Variants in PABIR3 observed in about 807,000 individuals in gnomAD.
PABIR3 encodes the protein PABIR family member 3.
In PABIR3, 20 loss-of-function variants were observed where a neutral mutation model predicts 23.1. The observed-to-expected ratio is 0.86, with a 90% CI of 0.61 to 1.26. The LOEUF is 1.26. Ranked by LOEUF, PABIR3 falls within the 50% of genes most tolerant of loss-of-function variation. PABIR3 has a pLI of 0.00. For missense variants in PABIR3, 189 were observed against 195.4 expected, an observed-to-expected ratio of 0.97 and a Z score of 0.20; for synonymous variants, 69 against 68.5, an observed-to-expected ratio of 1.01 and a Z score of -0.04.
rs1472957202 is a variant in PABIR3, at chrX:134,850,871, TATACCACCTA to T, written c.589+1644_589+1653del. Among the ~76,000 whole-genome samples, 11 of 111,800 alleles carry T rather than the reference TATACCACCTA, an allele frequency of 9.8e-5. No individual in the cohort carries two copies. In the East Asian group the frequency reaches 2.8e-3, roughly 29 times the overall value. ...AGGGAACTCCAAAGCGAATTCTGTA[TATACCACCTA>T]GTCCATATTTTCAGTCATACCCCAC... is the stretch of plus-strand genomic sequence containing the variant. On this transcript the variant is annotated intron_variant, in intron 9 of 10. Transcript: ENST00000645433.
chrX:134,834,975 A>G (rs1055664327), intron 4 of PABIR3: 2 of 112,036 alleles, frequency 1.8e-5, no homozygotes, highest in Non-Finnish European at 3.8e-5. Flanking sequence ...TTTGTCCTGT[A>G]AAATGTCCCA....
chrX:134,834,634 T>C (rs1179519492), intron 4 of PABIR3, among the ~76,000 whole-genome samples: 1 of 112,506 alleles, frequency 8.9e-6, no homozygotes, highest in Non-Finnish European at 1.9e-5. Flanking sequence ...AGGGTTTTTA[T>C]GGTTTTGGGT....
intron 2 of PABIR3, chrX:134,808,228 C>T (rs1039619915): frequency 6.9e-6 from 2 of 291,361 alleles, no homozygotes; most frequent in Non-Finnish European, 5.9e-6. Flanking sequence ...CTTGCTCTGT[C>T]GCCCAGGCTG....
At chrX:134,804,115 C>A (rs960307139), upstream of PABIR3, 7 of 735,152 alleles carry the variant, frequency 9.5e-6, no homozygotes, top group African/African-American at 1.1e-4. Context: ...GGGCCTGGGA[C>A]AGACGCAGCA....
chrX:134,847,220 G>A (rs1282405436), intron 6 of PABIR3, among the ~76,000 whole-genome samples, 163 bp from the exon 7 acceptor site: 3 of 112,167 alleles, frequency 2.7e-5, no homozygotes, highest in African/African-American at 3.2e-5. Context: ...TTATTGAAGT[G>A]AATTTTGGGT....
downstream of PABIR3, among the ~76,000 whole-genome samples, chrX:134,855,251 G>A (rs986035245): frequency 1.8e-5 from 2 of 110,021 alleles, no homozygotes; most frequent in Non-Finnish European, 1.9e-5. Flanking sequence ...TGGCTAACAT[G>A]GTGAAACCCC....
intron 2 of PABIR3, chrX:134,811,161 T>C: frequency 1.3e-6 from 1 of 749,781 alleles, no homozygotes; most frequent in Non-Finnish European, 1.6e-6. Context: ...TATCTTGAAC[T>C]AATAAAAATT....
At chrX:134,855,586 A>G (rs1272932052), downstream of PABIR3, among the ~76,000 whole-genome samples, 1 of 112,049 alleles carries the variant, frequency 8.9e-6, no homozygotes, top group Non-Finnish European at 1.9e-5. Context: ...TCAAATACGT[A>G]TAAAAGACTT....
chrX:134,807,092 G>C, upstream of PABIR3: 1 of 707,239 alleles, frequency 1.4e-6, no homozygotes, highest in Non-Finnish European at 1.7e-6. Context: ...TCTTAACTGC[G>C]CGTGCGCCCC....
the PABIR3 span, among the ~76,000 whole-genome samples, chrX:134,863,473 AT>A: frequency 2.1e-3 from 228 of 111,216 alleles, 1 homozygote; most frequent in African/African-American, 7.1e-3. Flanking sequence ...AAGGCAAAGG[AT>A]TCTCTGTAGC....
intron 3 of PABIR3, among the ~76,000 whole-genome samples, chrX:134,819,901 GCAAA>G (rs1268421364): frequency 2.7e-5 from 3 of 110,691 alleles, no homozygotes; most frequent in East Asian, 2.8e-4. Context: ...AAAAACAAAA[GCAAA>G]CAAACAAACA....
At chrX:134,843,188 CA>C (rs1218187346) in intron 4 of PABIR3, among the ~76,000 whole-genome samples, 7 of 109,568 alleles carry the variant, frequency 6.4e-5, no homozygotes, top group Non-Finnish European at 1.3e-4. Flanking sequence ...AACAGAGTGA[CA>C]CGCCATCTCA....
upstream of PABIR3, among the ~76,000 whole-genome samples, chrX:134,802,701 G>A (rs961218152): frequency 8.0e-5 from 9 of 112,816 alleles, no homozygotes; most frequent in Non-Finnish European, 1.7e-4. Flanking sequence ...CTTTTCGCCA[G>A]AAGAGATAGG....
At chrX:134,826,177 C>T (rs946759832) in intron 3 of PABIR3, among the ~76,000 whole-genome samples, 6 of 111,221 alleles carry the variant, frequency 5.4e-5, no homozygotes, top group African/African-American at 1.6e-4. Context: ...AATATCTTCA[C>T]GCTTTTGGCC....
At chrX:134,852,337 T>C (rs2082664524) in intron 9 of PABIR3, among the ~76,000 whole-genome samples, 1 of 111,139 alleles carries the variant, frequency 9.0e-6, no homozygotes. Context: ...TAGCTGGGCA[T>C]GGTGGTTTGC....
At chrX:134,804,165 G>A (rs2080135915), upstream of PABIR3, 1 of 1,124,391 alleles carries the variant, frequency 8.9e-7, no homozygotes, top group Non-Finnish European at 1.2e-6. Flanking sequence ...TAATTGTCAA[G>A]TCTAGATCTA....
At chrX:134,861,673 CAA>C in the PABIR3 span, among the ~76,000 whole-genome samples, 8 of 30,935 alleles carry the variant, frequency 2.6e-4, no homozygotes, top group African/African-American at 4.8e-4. Context: ...GACTCCGCCT[CAA>C]AAAAAAAAAA....
chrX:134,860,275 G>A, the PABIR3 span, among the ~76,000 whole-genome samples: 1 of 110,918 alleles, frequency 9.0e-6, no homozygotes, highest in Admixed American at 9.7e-5. Flanking sequence ...TTTTAGTAGA[G>A]ACAGGGTTTC....
At chrX:134,798,398 C>T (rs1161898213) in intron 1 of PABIR3, among the ~76,000 whole-genome samples, 3 of 112,009 alleles carry the variant, frequency 2.7e-5, no homozygotes, top group African/African-American at 9.7e-5. Flanking sequence ...ATGCTGGAGG[C>T]GGGTAGGTGC....
Sources: gnomAD v4.1 joint callset for allele counts (sites outside exome capture counted in the v4.1 genomes callset) on GRCh38, gnomAD v4.1.1 for gene constraint, MANE v1.5 for transcripts, NCBI Gene and HGNC (gene_info 2026-07-23, HGNC 2026-07-21) for gene names.